MYL5: variants seen among roughly 807,000 people sequenced by gnomAD.
MYL5 encodes the protein myosin regulatory light chain 5.
Under a neutral mutation model 20.8 loss-of-function variants are expected in MYL5, and 28 were observed. The observed-to-expected ratio is 1.35, with a 90% CI of 1.00 to 1.84. MYL5 has a LOEUF of 1.84. MYL5 is among the 40% of genes most tolerant of loss of function. MYL5 has a pLI of 0.00. For missense variants in MYL5, 274 were observed against 227.3 expected (o/e 1.21, Z -1.32); for synonymous variants, 118 against 87.4 (o/e 1.35, Z -1.95).
chr4:680,806 T>C, intron 5 of MYL5: 1 of 636,624 alleles, frequency 1.6e-6, no homozygotes, highest in East Asian at 2.7e-5. Context: ...TGGGGCGGCT[T>C]CCCCTCAGCC....
At chr4:677,783 A>G (rs937298161), upstream of MYL5, 10 of 613,784 alleles carry the variant, frequency 1.6e-5, no homozygotes, top group African/African-American at 1.7e-4. Flanking sequence ...GATGGGAGGT[A>G]GTCCTGGCCA....
At chr4:679,958 G>A (rs1227210219) in exon 4 of MYL5, 1 of 1,613,818 alleles carries the variant, frequency 6.2e-7, no homozygotes, top group South Asian at 1.1e-5. Flanking sequence ...CATGCTCAAA[G>A]AGGCCTCGGG....
chr4:680,402 G>C, intron 4 of MYL5, 107 bp from the exon 7 acceptor site: 1 of 1,169,312 alleles, frequency 8.6e-7, no homozygotes, highest in Non-Finnish European at 1.3e-6. Flanking sequence ...GCAGAGGCTT[G>C]GAGTCTCCCC....
At chr4:678,717 C>T (rs1469174660) in exon 2 of MYL5, 4 of 1,612,242 alleles carry the variant, frequency 2.5e-6, no homozygotes, top group East Asian at 2.2e-5. Flanking sequence ...GAGCCTCATC[C>T]AATGTCTTCT....
chr4:674,612 C>T, upstream of MYL5: 2 of 357,058 alleles, frequency 5.6e-6, no homozygotes, highest in Non-Finnish European at 1.0e-5. Flanking sequence ...CGCGTCCTGG[C>T]CGTGTGTCCA....
intron 1 of MYL5, 122 bp from the exon 4 acceptor site, chr4:678,536 C>A (rs571469930): frequency 1.4e-6 from 2 of 1,465,112 alleles, no homozygotes. Flanking sequence ...GCTGTCTGGC[C>A]CCCTCCAGCC....
At chr4:681,872 C>T in intron 6 of MYL5, 21 bp from the exon 9 acceptor site, 1 of 1,310,560 alleles carries the variant, frequency 7.6e-7, no homozygotes, top group Non-Finnish European at 9.8e-7. Flanking sequence ...CCGCAAGGAG[C>T]CCTTTCGCCC....
exon 2 of MYL5, chr4:678,682 G>A (rs1310776868): frequency 8.1e-6 from 13 of 1,610,862 alleles, no homozygotes; most frequent in Non-Finnish European, 1.1e-5. Flanking sequence ...CAAGAAGAAG[G>A]AAGGGGGTGC....
At position 681,831 on chromosome 4, in the gene MYL5, C is replaced by T. The variant is rs975001580; in HGVS notation, c.421-62C>T. 1.6e-5 allele frequency: 21 copies of T among 1,282,230 alleles called. No homozygotes were observed. The African/African-American group carries it at 3.1e-4, about 19-fold the overall frequency. 79.4% of individuals were successfully genotyped at this position (1,282,230 alleles called of 1,614,324 possible). On this transcript the variant is annotated intron_variant, in intron 6 of 6. Transcript: ENST00000400159. ...GCAGAAACCACACCCGGGGCCGCTG[C>T]AGGTGCGCGCTTGTAATTCGCTCCC...
At position 679,148 on chromosome 4, in the gene MYL5, C is replaced by A. The variant is rs558579152; in HGVS notation, c.187+115C>A. The A allele has an allele frequency of 7.0e-4, 510 of 733,428 alleles. 1 individual carries two copies. In the African/African-American group the frequency reaches 0.011, roughly 16 times the overall value. The allele number at this position is 733,428 out of a possible 1,614,324, so 45.4% of individuals were successfully genotyped here. On this transcript the variant is annotated intron_variant, in intron 3 of 6. Transcript: ENST00000400159. ...GGAGCCAGGGCCCGCGCCTCAGAGG[C>A]CCACCAACGGCCCTGAAGCTGCAAG...
At chr4:680,040 C>T in intron 4 of MYL5, 22 bp downstream of exon 6, 1 of 1,563,730 alleles carries the variant, frequency 6.4e-7, no homozygotes, top group Non-Finnish European at 8.7e-7. Flanking sequence ...TGGGGCAGGC[C>T]TGGCCCTCCT....
At chr4:676,834 G>T, upstream of MYL5, 1 of 971,652 alleles carries the variant, frequency 1.0e-6, no homozygotes. Flanking sequence ...CTTGCAGTCG[G>T]CCCCAGGTCC....
chr4:674,752 TG>T, upstream of MYL5: 1 of 169,844 alleles, frequency 5.9e-6, no homozygotes, highest in South Asian at 1.2e-4. Flanking sequence ...GGCAGGGACC[TG>T]GGGGTCCTGG....
upstream of MYL5, chr4:676,946 G>A (rs990291298): frequency 2.9e-5 from 29 of 985,064 alleles, no homozygotes; most frequent in East Asian, 6.8e-4. Context: ...CTCAGGGGAC[G>A]CCAACTGTGA....
chr4:679,839 T>C, intron 3 of MYL5, 75 bp from the exon 6 acceptor site: 1 of 1,197,456 alleles, frequency 8.4e-7, no homozygotes, highest in Non-Finnish European at 1.2e-6. Context: ...TGCCTGGCCC[T>C]GTGCTGGGGT....
intron 3 of MYL5, 158 bp downstream of exon 5, chr4:679,191 C>T (rs1739181072): frequency 2.6e-6 from 2 of 779,722 alleles, no homozygotes; most frequent in South Asian, 1.5e-5. Flanking sequence ...CCCTGGCCGC[C>T]CTTGGTTCCA....
At chr4:678,050 G>T (rs1288532336) in intron 1 of MYL5, 21 bp downstream of exon 3, 1 of 1,613,076 alleles carries the variant, frequency 6.2e-7, no homozygotes, top group African/African-American at 1.3e-5. Context: ...CGCCGTGCAT[G>T]CCTGGGGCAG....
In MYL5 at chr4:681,837, C is replaced by T. The variant is rs1429924601; in HGVS notation, c.421-56C>T. On this transcript the variant is annotated intron_variant, in intron 6 of 6. Transcript: ENST00000400159. ...ACCACACCCGGGGCCGCTGCAGGTG[C>T]GCGCTTGTAATTCGCTCCCGGAGCC... is the stretch of plus-strand genomic sequence containing the variant. The T allele has an allele frequency of 5.4e-6, 7 of 1,289,718 alleles. No individual in the cohort carries two copies. In the Admixed American group the frequency reaches 9.9e-5, roughly 18 times the overall value. 79.9% of individuals were successfully genotyped at this position (1,289,718 alleles called of 1,614,324 possible).
chr4:679,117 T>C (rs749193797), intron 3 of MYL5, 84 bp downstream of exon 5: 6 of 1,129,588 alleles, frequency 5.3e-6, no homozygotes, highest in African/African-American at 2.6e-5. Flanking sequence ...CGGCCCCTCC[T>C]CGAATGGAGC....
Sources: allele counts gnomAD v4.1 joint callset, GRCh38; gene constraint gnomAD v4.1.1; transcripts MANE v1.5; gene names NCBI Gene and HGNC (gene_info 2026-07-23, HGNC 2026-07-21).